Variants in C9orf57 observed in about 807,000 individuals in gnomAD.
C9orf57 encodes uncharacterized protein C9orf57.
A neutral mutation model predicts 12.9 loss-of-function variants in C9orf57; 12 were observed. The ratio of observed to expected loss-of-function variants is 0.93; its 90% confidence interval spans 0.60 to 1.51. The LOEUF is 1.51. Ranked by LOEUF, C9orf57 falls within the 40% of genes most tolerant of loss-of-function variation. The probability of loss-of-function intolerance (pLI) is 0.00; values close to 1 mark genes in which losing one functional copy is unlikely to be tolerated. For missense variants in C9orf57, 141 were observed against 162.8 expected, an observed-to-expected ratio of 0.87 and a Z score of 0.73; for synonymous variants, 49 against 57.1, an observed-to-expected ratio of 0.86 and a Z score of 0.64.
chr9:72,058,980 C>A (rs1275968338), intron 2 of C9orf57, among the ~76,000 whole-genome samples: 1 of 152,060 alleles, frequency 6.6e-6, no homozygotes, highest in Admixed American at 6.6e-5. Context: ...TGGGTTCAAG[C>A]AATTCTCCTG....
In C9orf57 at chr9:72,059,309, C is replaced by T. The variant is rs1315158635; in HGVS notation, c.23G>A (p.Gly8Asp). 1.2e-5 allele frequency: 18 copies of T among 1,551,764 alleles called. No homozygotes were observed. The highest frequency in any genetic ancestry group is 3.9e-5 in the Admixed American group (2 of 50,994). Reference sequence around the variant, plus strand: ...ACCTAAGAGGCGGAATAAGATAACACCAGCAAAAACAATCCTTCTCATTCT... The same window carrying T: ...ACCTAAGAGGCGGAATAAGATAACATCAGCAAAAACAATCCTTCTCATTCT... Reference protein sequence around the residue: MRRIVFAGVILFRLLGVI... With the variant: MRRIVFADVILFRLLGVI... The change falls in exon 2 of 5, where the codon GGT (glycine) becomes GAT (aspartate). Residue 8 changes from glycine (G) to aspartate (D), a missense_variant. Transcript: ENST00000651200.
intron 4 of C9orf57, 22 bp downstream of exon 4, chr9:72,056,052 T>C (rs1405757543): frequency 5.9e-6 from 9 of 1,537,282 alleles, no homozygotes; most frequent in Non-Finnish European, 7.9e-6. Context: ...TTAATTAAAA[T>C]TTTTAAAGTG....
chr9:72,060,503 T>G lies in C9orf57; in HGVS notation c.-60A>C. On this transcript the variant is annotated 5_prime_UTR_variant, in exon 1 of 5. Transcript: ENST00000651200. ...TCAGTTGTTCATGACCTACCTATCT[T>G]TTTCATTAAGGTACTATGGAAATTT... is the stretch of plus-strand genomic sequence containing the variant. The G allele has an allele frequency of 6.8e-7, 1 of 1,478,744 alleles. No homozygotes were observed. Among genetic ancestry groups the G allele is most frequent in the Non-Finnish European group, 9.3e-7 (1 of 1,080,850 alleles). 91.6% of individuals were successfully genotyped at this position (1,478,744 alleles called of 1,614,324 possible).
intron 2 of C9orf57, 60 bp downstream of exon 2, chr9:72,059,175 G>A (rs1008915481): frequency 3.5e-5 from 54 of 1,544,590 alleles, no homozygotes; most frequent in Admixed American, 1.4e-4. Flanking sequence ...CGCCACGCTC[G>A]GCCCTACAAT....
At chr9:72,060,220 T>C (rs995167997) in intron 1 of C9orf57, among the ~76,000 whole-genome samples, 6 of 152,244 alleles carry the variant, frequency 3.9e-5, no homozygotes, top group African/African-American at 1.4e-4. Context: ...CTAATTTTTG[T>C]ATTTTTAGTA....
Position 72,056,129 on chromosome 9 carries a change from C to T in C9orf57, c.225G>A (p.Leu75=), listed in dbSNP as rs12340391. 4,961 of 1,551,120 alleles carry T rather than the reference C, an allele frequency of 3.2e-3. 150 individuals are homozygous for T. In the African/African-American group the frequency reaches 0.06, roughly 19 times the overall value. Residue 75 remains leucine (L), a synonymous_variant, in exon 4 of 5, where the codon CTG becomes CTA. Transcript: ENST00000651200. ...SLPFHGCLLD[L]GTCQAEPGQY... is the part of the protein sequence containing the mutation. ...GACCAGGTTCTGCCTGGCAGGTTCC[C>T]AGGTCTAAAAGACATCCATGGAAGG...
chr9:72,055,994 T>C (rs1824191545), intron 4 of C9orf57, 80 bp downstream of exon 4: 1 of 1,427,528 alleles, frequency 7.0e-7, no homozygotes. Flanking sequence ...TAGTGTAGCA[T>C]CTGGTATATG....
At chr9:72,060,208 G>A (rs1017102612) in intron 1 of C9orf57, among the ~76,000 whole-genome samples, 43 of 152,180 alleles carry the variant, frequency 2.8e-4, no homozygotes, top group African/African-American at 1.0e-3. Context: ...TGCAACACCC[G>A]GCTAATTTTT....
intron 1 of C9orf57, 30 bp from the exon 2 acceptor site, chr9:72,059,414 G>A (rs1194705474): frequency 6.5e-7 from 1 of 1,546,374 alleles, no homozygotes. Flanking sequence ...ACACATTTAT[G>A]TTAGCTATTT....
intron 2 of C9orf57, among the ~76,000 whole-genome samples, chr9:72,058,184 A>G (rs1287338703): frequency 1.3e-5 from 2 of 152,108 alleles, no homozygotes; most frequent in African/African-American, 2.4e-5. Flanking sequence ...TTTTAGAGAC[A>G]GAGCCTTGCT....
chr9:72,054,244 T>G (rs1824141465), intron 4 of C9orf57, among the ~76,000 whole-genome samples: 1 of 152,244 alleles, frequency 6.6e-6, no homozygotes, highest in Non-Finnish European at 1.5e-5. Context: ...GTGATCTGCC[T>G]GCCTTGGTTT....
At chr9:72,052,692 A>G (rs1824104083) in intron 4 of C9orf57, among the ~76,000 whole-genome samples, 1 of 152,208 alleles carries the variant, frequency 6.6e-6, no homozygotes, top group African/African-American at 2.4e-5. Context: ...AGATTGTAAA[A>G]GCCATGCAAT....
At chr9:72,054,144 A>G (rs1824139548) in intron 4 of C9orf57, among the ~76,000 whole-genome samples, 1 of 152,158 alleles carries the variant, frequency 6.6e-6, no homozygotes, top group African/African-American at 2.4e-5. Context: ...GATTACAGGC[A>G]TGCGCCACCA....
chr9:72,052,247 G>C lies in C9orf57; in HGVS notation c.*49C>G, dbSNP rs1196641712. 6.5e-7 allele frequency: 1 copy of C among 1,540,104 alleles called. No homozygotes were observed. The highest frequency in any genetic ancestry group is 2.0e-5 in the Admixed American group (1 of 50,488). On this transcript the variant is annotated 3_prime_UTR_variant, in exon 5 of 5. Coordinates refer to ENST00000651200, the MANE Select transcript of C9orf57 (RefSeq NM_001128618.2). Reference sequence around the variant, plus strand: ...CATCATTTTGTGATAGCCAGGTCAGGCTTCGAGACTGATTGATCTGCCAAG... The same window carrying C: ...CATCATTTTGTGATAGCCAGGTCAGCCTTCGAGACTGATTGATCTGCCAAG...
Position 72,060,545 on chromosome 9 carries a change from T to G in C9orf57, c.-102A>C. 2 of 1,549,718 alleles carry G rather than the reference T, an allele frequency of 1.3e-6. No individual in the cohort carries two copies. Among genetic ancestry groups the G allele is most frequent in the South Asian group, 2.4e-5 (2 of 83,912 alleles). On this transcript the variant is annotated 5_prime_UTR_variant, in exon 1 of 5. Transcript: ENST00000651200. The stretch of plus-strand genomic sequence containing the variant: ...TGGAAATTTTCCTGGGTCTGAACTT[T>G]CTTAAAAGGATGAGAACGAGTACAA...
chr9:72,060,490 GACCT>G lies in C9orf57; in HGVS notation c.-54+3_-54+6del, dbSNP rs1824313502. 4 of 1,335,150 alleles carry G rather than the reference GACCT, an allele frequency of 3.0e-6. No homozygotes were observed. The African/African-American group carries it at 5.8e-5, about 19-fold the overall frequency. 82.7% of individuals were successfully genotyped at this position (1,335,150 alleles called of 1,614,324 possible). A position where few individuals can be genotyped will look rare whatever the true frequency, so the allele number is the denominator to read the frequency against. ...AAAGTATAATATTTCAGTTGTTCAT[GACCT>G]ACCTATCTTTTTCATTAAGGTACTA... is the stretch of plus-strand genomic sequence containing the variant. On this transcript the variant is annotated splice_donor_5th_base_variant and intron_variant, in intron 1 of 4. Coordinates refer to ENST00000651200, the MANE Select transcript of C9orf57 (RefSeq NM_001128618.2).
At chr9:72,059,757 G>C (rs977385857) in intron 1 of C9orf57, among the ~76,000 whole-genome samples, 4 of 152,136 alleles carry the variant, frequency 2.6e-5, no homozygotes, top group African/African-American at 9.7e-5. Context: ...GGATGCAAAG[G>C]TTGCAGTGAG....
chr9:72,052,618 A>G (rs1027123580), intron 4 of C9orf57, among the ~76,000 whole-genome samples, 183 bp from the exon 5 acceptor site: 3 of 152,168 alleles, frequency 2.0e-5, no homozygotes, highest in South Asian at 2.1e-4. Context: ...CACTTAGACT[A>G]TTGTAGTTGG....
chr9:72,059,296 G>A lies in C9orf57; in HGVS notation c.36C>T (p.Phe12=), dbSNP rs548175167. ...RRIVFAGVIL[F]RLLGVILFRL... ...GGAATAAGATAACACCTAAGAGGCG[G>A]AATAAGATAACACCAGCAAAAACAA... Residue 12 remains phenylalanine (F), a synonymous_variant, in exon 2 of 5, where the codon TTC becomes TTT. Coordinates refer to ENST00000651200, the MANE Select transcript of C9orf57 (RefSeq NM_001128618.2). The A allele has an allele frequency of 1.3e-6, 2 of 1,551,628 alleles. No individual in the cohort carries two copies. Among genetic ancestry groups the A allele is most frequent in the South Asian group, 2.4e-5 (2 of 84,054 alleles).
Sources: gnomAD v4.1 joint callset for allele counts (sites outside exome capture counted in the v4.1 genomes callset) on GRCh38, gnomAD v4.1.1 for gene constraint, MANE v1.5 for transcripts, NCBI Gene and HGNC (gene_info 2026-07-23, HGNC 2026-07-21) for gene names.